The following RAB38 variants were observed in gnomAD, a reference collection of about 807,000 sequenced individuals.
RAB38 encodes the protein ras-related protein Rab-38.
Under a neutral mutation model 18.4 loss-of-function variants are expected in RAB38, and 15 were observed. The ratio of observed to expected loss-of-function variants is 0.82; its 90% CI spans 0.55 to 1.26. The LOEUF is 1.26. RAB38 is among the 50% of genes most tolerant of loss of function. RAB38 has a pLI of 0.00. For missense variants in RAB38, 294 were observed against 267.4 expected, an observed-to-expected ratio of 1.10 and a Z score of -0.69; for synonymous variants, 101 against 104.4, an observed-to-expected ratio of 0.97 and a Z score of 0.20.
the RAB38 span, among the ~76,000 whole-genome samples, chr11:87,951,724 C>A: frequency 2.4e-4 from 36 of 152,066 alleles, no homozygotes; most frequent in African/African-American, 8.7e-4. Flanking sequence ...TATTGGTGAA[C>A]CGCAAATGCT....
At chr11:88,064,838 G>A in the RAB38 span, among the ~76,000 whole-genome samples, 1 of 152,106 alleles carries the variant, frequency 6.6e-6, no homozygotes, top group Admixed American at 6.5e-5. Context: ...TTTTGTGAAT[G>A]CCTACTGTTT....
chr11:88,032,223 A>C, the RAB38 span, among the ~76,000 whole-genome samples: 1 of 152,202 alleles, frequency 6.6e-6, no homozygotes, highest in African/African-American at 2.4e-5. Flanking sequence ...TTATACAAAA[A>C]TCAATTCAAG....
intron 1 of RAB38, among the ~76,000 whole-genome samples, chr11:88,168,630 G>C (rs1943271816): frequency 1.3e-5 from 2 of 151,724 alleles, no homozygotes; most frequent in South Asian, 4.2e-4. Context: ...TCTCAGGCAA[G>C]ATCTTATACT....
At chr11:87,834,654 T>A in the RAB38 span, among the ~76,000 whole-genome samples, 2 of 152,200 alleles carry the variant, frequency 1.3e-5, no homozygotes, top group Non-Finnish European at 2.9e-5. Flanking sequence ...TCAAAAGTTC[T>A]TTGTTAAATA....
chr11:87,809,218 A>G, the RAB38 span, among the ~76,000 whole-genome samples: 1 of 152,200 alleles, frequency 6.6e-6, no homozygotes, highest in Non-Finnish European at 1.5e-5. Flanking sequence ...TATGTTGTTC[A>G]CAAGAGCCAC....
chr11:88,032,497 T>C, the RAB38 span, among the ~76,000 whole-genome samples: 3 of 152,184 alleles, frequency 2.0e-5, no homozygotes. Flanking sequence ...AAAGGGCTAC[T>C]ATCCAGAATC....
the RAB38 span, among the ~76,000 whole-genome samples, chr11:87,840,505 T>G: frequency 4.6e-5 from 7 of 152,164 alleles, no homozygotes; most frequent in African/African-American, 1.4e-4. Context: ...GTAACACAGG[T>G]CCTACACACA....
chr11:88,051,355 T>C, the RAB38 span, among the ~76,000 whole-genome samples: 1 of 151,906 alleles, frequency 6.6e-6, no homozygotes, highest in Non-Finnish European at 1.5e-5. Context: ...TAGATCTGAT[T>C]CTAATCAGCA....
At chr11:88,141,928 C>T (rs1383700961) in intron 2 of RAB38, among the ~76,000 whole-genome samples, 1 of 152,164 alleles carries the variant, frequency 6.6e-6, no homozygotes, top group Non-Finnish European at 1.5e-5. Flanking sequence ...AAGAGCTGTC[C>T]TCTCTCCAAC....
chr11:88,100,512 A>G, the RAB38 span, among the ~76,000 whole-genome samples: 1 of 151,956 alleles, frequency 6.6e-6, no homozygotes, highest in Non-Finnish European at 1.5e-5. Context: ...CACTAATCCA[A>G]TCCATCAAAG....
chr11:88,151,750 G>T (rs1180273061), intron 1 of RAB38, among the ~76,000 whole-genome samples: 2 of 152,140 alleles, frequency 1.3e-5, no homozygotes, highest in East Asian at 1.9e-4. Context: ...TTTGTAGATG[G>T]TTATATTTAC....
chr11:87,878,212 T>TATATAC, the RAB38 span, among the ~76,000 whole-genome samples: 1 of 119,016 alleles, frequency 8.4e-6, no homozygotes, highest in African/African-American at 5.3e-5. Context: ...AACATATATA[T>TATATAC]ATATATATAT....
the RAB38 span, among the ~76,000 whole-genome samples, chr11:88,024,395 G>A: frequency 6.6e-6 from 1 of 152,074 alleles, no homozygotes; most frequent in African/African-American, 2.4e-5. Context: ...GCAAATGCTG[G>A]GGAAGATATG....
chr11:88,118,139 C>A (rs1467302799), intron 2 of RAB38, among the ~76,000 whole-genome samples: 1 of 152,202 alleles, frequency 6.6e-6, no homozygotes, highest in Non-Finnish European at 1.5e-5. Flanking sequence ...CTTATCTCAG[C>A]TCCCCCCCAA....
chr11:88,029,646 A>C, the RAB38 span, among the ~76,000 whole-genome samples: 3 of 152,184 alleles, frequency 2.0e-5, no homozygotes, highest in East Asian at 3.8e-4. Flanking sequence ...CCATTACATA[A>C]TGGTAAAGGC....
At chr11:87,908,813 G>A in the RAB38 span, among the ~76,000 whole-genome samples, 2 of 151,888 alleles carry the variant, frequency 1.3e-5, no homozygotes, top group Middle Eastern at 3.4e-3. Flanking sequence ...TCCTGTATTC[G>A]GTCACAACAT....
chr11:87,964,056 G>C, the RAB38 span, among the ~76,000 whole-genome samples: 1 of 152,158 alleles, frequency 6.6e-6, no homozygotes, highest in Non-Finnish European at 1.5e-5. Flanking sequence ...TCCAAAAATG[G>C]AGCATGTGGC....
chr11:88,039,331 C>T, the RAB38 span, among the ~76,000 whole-genome samples: 3 of 151,276 alleles, frequency 2.0e-5, no homozygotes, highest in Non-Finnish European at 4.4e-5. Flanking sequence ...AGAAAACTTG[C>T]CATTTAAAAA....
At chr11:87,926,807 A>G in the RAB38 span, among the ~76,000 whole-genome samples, 2 of 152,058 alleles carry the variant, frequency 1.3e-5, no homozygotes, top group African/African-American at 2.4e-5. Context: ...TGACCGCAGC[A>G]CTGAGCTGCA....
Sources: allele counts gnomAD v4.1 joint callset (sites outside exome capture counted in the v4.1 genomes callset), GRCh38; gene constraint gnomAD v4.1.1; transcripts MANE v1.5; gene names NCBI Gene and HGNC (gene_info 2026-07-23, HGNC 2026-07-21).